AFG2A: variants seen among roughly 807,000 people sequenced by gnomAD.
AFG2A encodes the protein AAA ATPase AFG2A.
chr4:123,277,593 T>C, the AFG2A span, among the ~76,000 whole-genome samples: 1 of 152,206 alleles, frequency 6.6e-6, no homozygotes, highest in Non-Finnish European at 1.5e-5. Context: ...GCCCATTCAG[T>C]ATGATGTTGG....
the AFG2A span, among the ~76,000 whole-genome samples, chr4:122,955,783 T>C: frequency 6.6e-6 from 1 of 152,240 alleles, no homozygotes; most frequent in Admixed American, 6.5e-5. Context: ...GCAGGTTATG[T>C]AGACTATCAA....
chr4:122,964,300 T>C, the AFG2A span, among the ~76,000 whole-genome samples: 3 of 151,910 alleles, frequency 2.0e-5, no homozygotes, highest in South Asian at 6.2e-4. Flanking sequence ...GGTCAGGAGT[T>C]CGAGACCAGT....
At chr4:123,002,759 T>C in the AFG2A span, among the ~76,000 whole-genome samples, 8 of 152,284 alleles carry the variant, frequency 5.3e-5, no homozygotes, top group Non-Finnish European at 1.0e-4. Context: ...ATTTTAACTT[T>C]GGTGAATCTG....
chr4:123,213,793 T>A, the AFG2A span, among the ~76,000 whole-genome samples: 1 of 152,174 alleles, frequency 6.6e-6, no homozygotes, highest in Non-Finnish European at 1.5e-5. Flanking sequence ...CAACCAACCT[T>A]CCAGCTAGGA....
At chr4:123,221,369 C>T in the AFG2A span, among the ~76,000 whole-genome samples, 1 of 152,000 alleles carries the variant, frequency 6.6e-6, no homozygotes, top group East Asian at 1.9e-4. Context: ...CATTGTGTTG[C>T]CCAAGCTGGT....
At chr4:123,094,522 C>A in the AFG2A span, among the ~76,000 whole-genome samples, 12 of 151,918 alleles carry the variant, frequency 7.9e-5, no homozygotes, top group African/African-American at 2.9e-4. Context: ...TCAAGAAAAA[C>A]CAAGAGCATC....
the AFG2A span, among the ~76,000 whole-genome samples, chr4:123,286,917 A>G: frequency 1.3e-5 from 2 of 152,068 alleles, no homozygotes; most frequent in Non-Finnish European, 2.9e-5. Context: ...CCAGCACCCC[A>G]AAGTCACTAA....
chr4:123,104,165 G>A, the AFG2A span, among the ~76,000 whole-genome samples: 1 of 152,052 alleles, frequency 6.6e-6, no homozygotes, highest in Non-Finnish European at 1.5e-5. Context: ...TTTTCCAACA[G>A]CATATTCTCA....
At chr4:123,232,526 C>G in the AFG2A span, among the ~76,000 whole-genome samples, 4 of 151,934 alleles carry the variant, frequency 2.6e-5, no homozygotes, top group Non-Finnish European at 4.4e-5. Context: ...TAACAAGAAT[C>G]ATTTTGGTGG....
the AFG2A span, among the ~76,000 whole-genome samples, chr4:123,046,832 G>A: frequency 0.031 from 4,720 of 151,706 alleles, 147 homozygotes; most frequent in East Asian, 0.15. Flanking sequence ...ACCATTCTAC[G>A]CTTTACCACC....
the AFG2A span, among the ~76,000 whole-genome samples, chr4:123,067,985 C>T: frequency 1.3e-5 from 2 of 151,946 alleles, no homozygotes; most frequent in African/African-American, 2.4e-5. Flanking sequence ...GATCTGTGGT[C>T]CTATATGTCT....
At chr4:123,183,733 A>T in the AFG2A span, among the ~76,000 whole-genome samples, 1 of 152,156 alleles carries the variant, frequency 6.6e-6, no homozygotes, top group African/African-American at 2.4e-5. Context: ...CTTGATTTAC[A>T]TGAGGCCCAA....
chr4:123,079,470 A>G, the AFG2A span, among the ~76,000 whole-genome samples: 3 of 152,168 alleles, frequency 2.0e-5, no homozygotes, highest in Non-Finnish European at 4.4e-5. Context: ...TAGATGTGGC[A>G]TGGCCCAGGA....
At chr4:123,278,723 T>C in the AFG2A span, among the ~76,000 whole-genome samples, 5 of 152,190 alleles carry the variant, frequency 3.3e-5, no homozygotes, top group African/African-American at 1.2e-4. Context: ...CAAAAGTCAC[T>C]TGGGAGCAGG....
chr4:123,173,590 A>C, the AFG2A span, among the ~76,000 whole-genome samples: 1 of 151,910 alleles, frequency 6.6e-6, no homozygotes, highest in Non-Finnish European at 1.5e-5. Flanking sequence ...TCCTGACCTC[A>C]TGATCCGCCT....
chr4:123,213,570 A>G, the AFG2A span, among the ~76,000 whole-genome samples: 3 of 152,198 alleles, frequency 2.0e-5, no homozygotes, highest in Non-Finnish European at 4.4e-5. Context: ...ATGAACCATT[A>G]GTGAAGTCAG....
chr4:123,017,752 C>T, the AFG2A span, among the ~76,000 whole-genome samples: 1 of 151,982 alleles, frequency 6.6e-6, no homozygotes, highest in South Asian at 2.1e-4. Flanking sequence ...ATTGTGACTG[C>T]CTGACTTCTT....
the AFG2A span, among the ~76,000 whole-genome samples, chr4:123,299,116 AATGT>A: frequency 2.8e-5 from 2 of 72,212 alleles, no homozygotes; most frequent in African/African-American, 5.7e-5. Flanking sequence ...TGCATCTGCC[AATGT>A]GTGTGTGTGT....
the AFG2A span, among the ~76,000 whole-genome samples, chr4:123,043,330 A>T: frequency 6.6e-6 from 1 of 152,016 alleles, no homozygotes; most frequent in Non-Finnish European, 1.5e-5. Context: ...ATGCATCTTG[A>T]TGTAGTTTCC....
Sources: gnomAD v4.1 joint callset for allele counts (sites outside exome capture counted in the v4.1 genomes callset) on GRCh38, gnomAD v4.1.1 for gene constraint, MANE v1.5 for transcripts, NCBI Gene and HGNC (gene_info 2026-07-23, HGNC 2026-07-21) for gene names.